ANK1: variants seen among roughly 807,000 people sequenced by gnomAD.
ANK1 encodes the protein ankyrin-1.
Under a neutral mutation model 210.4 loss-of-function variants are expected in ANK1, and 51 were observed. The observed-to-expected ratio is 0.24, with a 90% CI of 0.19 to 0.31. The LOEUF is 0.31. Ranked by LOEUF, ANK1 falls within the 10% of genes least tolerant of loss-of-function variation. ANK1 has a pLI of 1.00. For synonymous variants in ANK1, 967 were observed against 1,025.9 expected (o/e 0.94, Z 1.10); for missense variants, 2,051 against 2,504.4 (o/e 0.82, Z 3.86).
At chr8:41,798,777 GC>G (rs1341342544), upstream of ANK1, among the ~76,000 whole-genome samples, 7 of 152,124 alleles carry the variant, frequency 4.6e-5, no homozygotes, top group African/African-American at 1.7e-4. Context: ...ACCGCTGGGG[GC>G]CTCTGGTGCA....
At position 41,715,690 on chromosome 8, in the gene ANK1, G is replaced by A. The variant is rs375850314; in HGVS notation, c.1564C>T (p.Leu522Phe). Reference sequence around the variant, plus strand: ...GCCTGGGATGCTTCCTTTTCCAGAAGGGCCAGGACTGTTTCCACATGGCCC... The same window carrying A: ...GCCTGGGATGCTTCCTTTTCCAGAAAGGCCAGGACTGTTTCCACATGGCCC... ...REGHVETVLA[L>F]LEKEASQACM... Residue 522 changes from leucine to phenylalanine, a missense_variant, in exon 14 of 43, where the codon CTT (leucine) becomes TTT (phenylalanine). Leu to Phe is a conservative substitution (Grantham distance 22). Around this residue, in one of 6 missense-constraint regions of ANK1, gnomAD observed 1,413 missense variants for 1,707.4 expected, o/e 0.83. Transcript: ENST00000289734. 9 of 1,613,966 alleles carry A rather than the reference G, an allele frequency of 5.6e-6. No individual in the cohort carries two copies. The African/African-American group carries it at 1.2e-4, about 22-fold the overall frequency.
chr8:41,846,637 TC>T (rs1810115459), intron 1 of ANK1, among the ~76,000 whole-genome samples: 1 of 152,246 alleles, frequency 6.6e-6, no homozygotes, highest in African/African-American at 2.4e-5. Flanking sequence ...ACATTGAGTC[TC>T]TTATCAGCCT....
chr8:41,858,156 C>T (rs745551986), intron 1 of ANK1, among the ~76,000 whole-genome samples: 37 of 151,950 alleles, frequency 2.4e-4, no homozygotes, highest in Admixed American at 1.5e-3. Flanking sequence ...CACTTGAGCC[C>T]GGGAATTGGA....
intron 1 of ANK1, among the ~76,000 whole-genome samples, chr8:41,838,695 G>A (rs1410861237): frequency 6.6e-6 from 1 of 151,942 alleles, no homozygotes; most frequent in African/African-American, 2.4e-5. Context: ...AACCCGGGAG[G>A]CAGAGGCTGC....
At chr8:41,692,403 T>C (rs2150589003) in intron 31 of ANK1, among the ~76,000 whole-genome samples, 1 of 152,338 alleles carries the variant, frequency 6.6e-6, no homozygotes, top group South Asian at 2.1e-4. Flanking sequence ...CTTCGGCAAA[T>C]GCCAACTCTT....
Position 41,882,742 on chromosome 8 carries a change from G to A in ANK1, c.126+13613C>T, listed in dbSNP as rs188199239. Among the ~76,000 whole-genome samples, 18 of 152,352 alleles carry A rather than the reference G, an allele frequency of 1.2e-4. No individual in the cohort carries two copies. The East Asian group carries it at 3.1e-3, about 26-fold the overall frequency. On this transcript the variant is annotated intron_variant, in intron 1 of 42. Transcript: ENST00000265709. ...AACATCGCCAGTGCTCTGGGCTGTG[G>A]GATTGCCTTAGTTGCTTTCCAGGAA...
At chr8:41,825,666 G>C (rs1477800194) in intron 1 of ANK1, among the ~76,000 whole-genome samples, 3 of 152,204 alleles carry the variant, frequency 2.0e-5, no homozygotes, top group African/African-American at 2.4e-5. Context: ...TGGTTTGGCT[G>C]TGTCCCCACC....
chr8:41,690,466 G>A lies in ANK1; in HGVS notation c.3984+8C>T. On this transcript the variant is annotated splice_region_variant and intron_variant, in intron 32 of 42. Transcript: ENST00000289734. Reference sequence around the variant, plus strand: ...CCAGAGGAGAACTCAGCCAGAGGGTGCCGGCACCTTTACAGGCATGGCCAG... The same window carrying A: ...CCAGAGGAGAACTCAGCCAGAGGGTACCGGCACCTTTACAGGCATGGCCAG... The A allele has an allele frequency of 1.9e-6, 3 of 1,614,216 alleles. No individual in the cohort carries two copies. The highest frequency in any genetic ancestry group is 1.1e-5 in the South Asian group (1 of 91,084).
At chr8:41,722,666 ACTTAGTGC>A (rs1217838554) in intron 9 of ANK1, among the ~76,000 whole-genome samples, 1 of 152,240 alleles carries the variant, frequency 6.6e-6, no homozygotes, top group African/African-American at 2.4e-5. Context: ...TTCTCAGAGT[ACTTAGTGC>A]CTGTCTTTTC....
chr8:41,802,999 A>AGAG (rs1563809919), intron 1 of ANK1, among the ~76,000 whole-genome samples: 4 of 49,122 alleles, frequency 8.1e-5, no homozygotes, highest in Admixed American at 4.5e-4. Flanking sequence ...GAAAGAGAGA[A>AGAG]AGAAAGAAAG....
intron 1 of ANK1, among the ~76,000 whole-genome samples, chr8:41,875,979 C>T (rs1816495528): frequency 6.6e-6 from 1 of 151,998 alleles, no homozygotes; most frequent in Non-Finnish European, 1.5e-5. Flanking sequence ...CACCTGCCCG[C>T]GCGCACACAC....
At chr8:41,778,632 A>G (rs1486959668) in intron 1 of ANK1, among the ~76,000 whole-genome samples, 1 of 152,228 alleles carries the variant, frequency 6.6e-6, no homozygotes, top group Non-Finnish European at 1.5e-5. Flanking sequence ...AACAACATAA[A>G]TACGTCTATT....
chr8:41,812,096 A>C (rs1433118465), intron 1 of ANK1, among the ~76,000 whole-genome samples: 1 of 152,232 alleles, frequency 6.6e-6, no homozygotes, highest in African/African-American at 2.4e-5. Flanking sequence ...GGCTGATATT[A>C]ATTCATCAAG....
chr8:41,764,812 C>A (rs928543520), intron 1 of ANK1, among the ~76,000 whole-genome samples: 2 of 152,236 alleles, frequency 1.3e-5, no homozygotes, highest in Admixed American at 1.3e-4. Flanking sequence ...CAAAACAAAA[C>A]AAGTTTACTT....
rs1804693911 is a variant in ANK1 at position 41,653,338 on chromosome 8, G to C, written c.*2452C>G. 1 of 152,770 alleles carries C rather than the reference G, an allele frequency of 6.5e-6. No homozygotes were observed. Among genetic ancestry groups the C allele is most frequent in the South Asian group, 2.1e-4 (1 of 4,824 alleles). The allele number at this position is 152,770 out of a possible 1,614,324, so 9.5% of individuals were successfully genotyped here. A position where few individuals can be genotyped will look rare whatever the true frequency, so the allele number is the denominator to read the frequency against. On this transcript the variant is annotated 3_prime_UTR_variant, in exon 43 of 43. Coordinates refer to ENST00000289734, the MANE Select transcript of ANK1 (RefSeq NM_000037.4). ...CTCTCCCATAACAGAGCATGTGGGAGAGTCAAGAAAAGATCCATTTTCATA... is the reference window on the plus strand; with the variant it reads ...CTCTCCCATAACAGAGCATGTGGGACAGTCAAGAAAAGATCCATTTTCATA...
intron 1 of ANK1, among the ~76,000 whole-genome samples, chr8:41,893,431 C>T (rs781625466): frequency 2.0e-5 from 3 of 152,142 alleles, no homozygotes; most frequent in Non-Finnish European, 4.4e-5. Flanking sequence ...CAGTTCCCTG[C>T]GTCGAGGTGG....
intron 1 of ANK1, chr8:41,789,356 C>A (rs1235989296): frequency 6.6e-6 from 1 of 152,210 alleles, no homozygotes; most frequent in Non-Finnish European, 1.5e-5. Context: ...GCTCTGATTT[C>A]CTGTGTTGCT....
chr8:41,741,918 G>T (rs1433055319), intron 2 of ANK1, among the ~76,000 whole-genome samples: 1 of 152,118 alleles, frequency 6.6e-6, no homozygotes, highest in Non-Finnish European at 1.5e-5. Context: ...ACCTTTTAAG[G>T]CTCTTTTTGG....
Position 41,848,058 on chromosome 8 carries a change from A to G in ANK1, c.126+48297T>C, listed in dbSNP as rs12680453. ...AACTTAGCCGGGTGTGATGGTGTGC[A>G]CCTGTAATCTCAGCTACTTGGGAGG... On this transcript the variant is annotated intron_variant, in intron 1 of 42. Coordinates refer to the ANK1 transcript ENST00000265709. Among the ~76,000 whole-genome samples the G allele has an allele frequency of 4.6e-3, 707 of 152,066 alleles. 4 individuals are homozygous for G. Among genetic ancestry groups the G allele is most frequent in the East Asian group, 0.027 (139 of 5,172 alleles).
Sources: gnomAD v4.1 joint callset for allele counts (sites outside exome capture counted in the v4.1 genomes callset) on GRCh38, gnomAD v4.1.1 for gene constraint, gnomAD v4.1.1 regional missense constraint, MANE v1.5 for transcripts, NCBI Gene and HGNC (gene_info 2026-07-23, HGNC 2026-07-21) for gene names.